Variants in FGF7 observed in about 807,000 individuals in gnomAD.
FGF7 encodes fibroblast growth factor 7, also known as FGF-7.
FGF7 carries 6 observed loss-of-function variants against 20.5 expected under a neutral mutation model. The observed-to-expected ratio is 0.29, with a 90% CI of 0.16 to 0.58. FGF7 has a LOEUF of 0.58. Ranked by LOEUF, FGF7 falls within the 20% of genes least tolerant of loss-of-function variation. The pLI is 0.90. For missense variants in FGF7, 144 were observed against 228.8 expected (o/e 0.63, Z 2.39); for synonymous variants, 64 against 74.7 (o/e 0.86, Z 0.74).
chr15:49,482,203 T>C (rs527964524), intron 2 of FGF7, among the ~76,000 whole-genome samples: 1 of 152,186 alleles, frequency 6.6e-6, no homozygotes, highest in African/African-American at 2.4e-5. Context: ...TACATTAAAA[T>C]TTTAATTATT....
intron 2 of FGF7, among the ~76,000 whole-genome samples, chr15:49,465,544 C>CA (rs1567330221): frequency 6.6e-6 from 1 of 151,874 alleles, no homozygotes; most frequent in Non-Finnish European, 1.5e-5. Context: ...ATGAGTGTTG[C>CA]ATGTTGAAAA....
At chr15:49,470,463 A>G (rs1436755550) in intron 2 of FGF7, among the ~76,000 whole-genome samples, 1 of 152,182 alleles carries the variant, frequency 6.6e-6, no homozygotes, top group Non-Finnish European at 1.5e-5. Context: ...AATTTAGGAC[A>G]AGTATATACA....
intron 2 of FGF7, among the ~76,000 whole-genome samples, chr15:49,464,703 A>G (rs1392346405): frequency 6.6e-6 from 1 of 152,216 alleles, no homozygotes; most frequent in African/African-American, 2.4e-5. Flanking sequence ...AGTGGTCCCA[A>G]ATGACCAATA....
chr15:49,473,794 T>C (rs1363055878), intron 2 of FGF7, among the ~76,000 whole-genome samples: 1 of 152,142 alleles, frequency 6.6e-6, no homozygotes, highest in African/African-American at 2.4e-5. Context: ...TTTGATGTTA[T>C]AACATTTATA....
At chr15:49,440,899 T>G (rs1221401896) in intron 2 of FGF7, among the ~76,000 whole-genome samples, 1 of 151,804 alleles carries the variant, frequency 6.6e-6, no homozygotes, top group African/African-American at 2.4e-5. Context: ...TTTTAAGTTT[T>G]CTATCAAGAT....
chr15:49,450,397 T>C (rs540242100), intron 2 of FGF7, among the ~76,000 whole-genome samples: 2 of 152,226 alleles, frequency 1.3e-5, no homozygotes, highest in African/African-American at 4.8e-5. Context: ...AAAGATATTT[T>C]TTTTCCCTTA....
chr15:49,482,105 C>G (rs1194909158), intron 2 of FGF7, among the ~76,000 whole-genome samples: 1 of 152,082 alleles, frequency 6.6e-6, no homozygotes, highest in East Asian at 1.9e-4. Context: ...TTTGACTTTT[C>G]TTTGCACTGT....
chr15:49,451,052 G>T (rs2052681493), intron 2 of FGF7, among the ~76,000 whole-genome samples: 2 of 151,936 alleles, frequency 1.3e-5, no homozygotes, highest in Admixed American at 6.6e-5. Flanking sequence ...TTAAATGACA[G>T]TTTAATTCAA....
intron 2 of FGF7, among the ~76,000 whole-genome samples, chr15:49,471,295 G>A (rs2054724503): frequency 6.6e-6 from 1 of 151,908 alleles, no homozygotes; most frequent in East Asian, 1.9e-4. Context: ...GACTAGCCTG[G>A]CTAACATGGC....
chr15:49,480,434 A>G (rs376628011), intron 2 of FGF7, among the ~76,000 whole-genome samples: 112 of 150,616 alleles, frequency 7.4e-4, no homozygotes, highest in Non-Finnish European at 1.4e-3. Flanking sequence ...CAGCCTCTCA[A>G]GTAGCTAGAA....
chr15:49,468,008 CT>C (rs1597387386), intron 2 of FGF7, among the ~76,000 whole-genome samples: 1 of 152,214 alleles, frequency 6.6e-6, no homozygotes, highest in East Asian at 1.9e-4. Context: ...TGATATAGTT[CT>C]AACGCTGCTG....
chr15:49,478,477 T>C (rs925131006), intron 2 of FGF7, among the ~76,000 whole-genome samples: 3 of 152,130 alleles, frequency 2.0e-5, no homozygotes, highest in African/African-American at 4.8e-5. Context: ...AATAAAAATA[T>C]ATAATAGTTA....
chr15:49,435,836 T>C lies in FGF7; in HGVS notation c.286+11253T>C, dbSNP rs1461017488. ...CTGCACTGTATAGAAGTAAATCTGT[T>C]ACTGTTGCCATAAATCTTTTAATTT... is the stretch of plus-strand genomic sequence containing the variant. On this transcript the variant is annotated intron_variant, in intron 2 of 3. Transcript: ENST00000267843. Among the ~76,000 whole-genome samples, 4 of 151,744 alleles carry C rather than the reference T, an allele frequency of 2.6e-5. No homozygotes were observed. In the East Asian group the frequency reaches 5.8e-4, roughly 22 times the overall value.
At chr15:49,467,222 C>T (rs2054345435) in intron 2 of FGF7, among the ~76,000 whole-genome samples, 1 of 152,140 alleles carries the variant, frequency 6.6e-6, no homozygotes, top group Admixed American at 6.6e-5. Flanking sequence ...TGTAGCATAA[C>T]ATGCTTTGTG....
chr15:49,482,042 T>C (rs981251706), intron 2 of FGF7, among the ~76,000 whole-genome samples: 3 of 152,146 alleles, frequency 2.0e-5, no homozygotes, highest in Non-Finnish European at 2.9e-5. Flanking sequence ...TTTCTTTAAG[T>C]CAATATTTTA....
At chr15:49,439,480 G>C (rs1330788624) in intron 2 of FGF7, among the ~76,000 whole-genome samples, 2 of 151,758 alleles carry the variant, frequency 1.3e-5, no homozygotes, top group Admixed American at 6.6e-5. Context: ...AAGTGTTAGG[G>C]ATCATTGGGG....
chr15:49,453,836 C>G (rs2053010206), intron 2 of FGF7, among the ~76,000 whole-genome samples: 1 of 152,124 alleles, frequency 6.6e-6, no homozygotes, highest in Non-Finnish European at 1.5e-5. Flanking sequence ...TCTTCCCCCT[C>G]AATCCTGCTC....
At chr15:49,463,550 C>A (rs928936390) in intron 2 of FGF7, among the ~76,000 whole-genome samples, 106 of 125,842 alleles carry the variant, frequency 8.4e-4, no homozygotes, top group Non-Finnish European at 9.2e-4. Context: ...GATTCCGTCT[C>A]AAAAAAAAAA....
chr15:49,425,813 A>T (rs2050078178), intron 2 of FGF7, among the ~76,000 whole-genome samples: 1 of 151,656 alleles, frequency 6.6e-6, no homozygotes, highest in Non-Finnish European at 1.5e-5. Flanking sequence ...TATTATTATT[A>T]TTTATTATTA....
Sources: allele counts gnomAD v4.1 joint callset (sites outside exome capture counted in the v4.1 genomes callset), GRCh38; gene constraint gnomAD v4.1.1; transcripts MANE v1.5; gene names NCBI Gene and HGNC (gene_info 2026-07-23, HGNC 2026-07-21).